CEP20: variants seen among roughly 807,000 people sequenced by gnomAD.
CEP20 encodes the protein centrosomal protein 20.
Under a neutral mutation model 20.0 loss-of-function variants are expected in CEP20, and 18 were observed. That is an observed-to-expected ratio of 0.90 (90% CI 0.62 to 1.34). The LOEUF (loss-of-function observed/expected upper bound fraction) is 1.34, where lower values mean the gene tolerates loss of function less well. CEP20 is among the 40% of genes most tolerant of loss of function. The pLI is 0.00. For missense variants in CEP20, 215 were observed against 201.6 expected (o/e 1.07, Z -0.40); for synonymous variants, 77 against 73.7 (o/e 1.04, Z -0.23).
intron 4 of CEP20, among the ~76,000 whole-genome samples, chr16:15,870,493 C>T (rs1191098857): frequency 1.3e-5 from 2 of 152,086 alleles, no homozygotes; most frequent in African/African-American, 2.4e-5. Flanking sequence ...ACAAGAGAAA[C>T]GTGTAGACAA....
intron 3 of CEP20, among the ~76,000 whole-genome samples, chr16:15,878,601 A>G (rs969703429): frequency 6.6e-6 from 1 of 151,572 alleles, no homozygotes; most frequent in Non-Finnish European, 1.5e-5. Context: ...GGTTAAAGCG[A>G]TTCTCATGCC....
In CEP20 at chr16:15,873,625, G is replaced by A; in HGVS notation, c.314C>T (p.Pro105Leu). Reference sequence around the variant, plus strand: ...ATGGGCTAAAATCCCATATAAAAGAGGTCTATAGCAGGAAGAAAACAAAAC... The same window carrying A: ...ATGGGCTAAAATCCCATATAAAAGAAGTCTATAGCAGGAAGAAAACAAAAC... ...AFEESKDNTI[P>L]LLYGILAHFL... The change falls in exon 4 of 5, where the codon CCT (proline) becomes CTT (leucine). Residue 105 changes from proline (P) to leucine (L), a missense_variant and splice_region_variant. Physicochemically the swap from Pro to Leu is moderately conservative, Grantham distance 98. Coordinates refer to ENST00000255759, the MANE Select transcript of CEP20 (RefSeq NM_144600.4). 3 of 1,608,598 alleles carry A rather than the reference G, an allele frequency of 1.9e-6. No homozygotes were observed. The highest frequency in any genetic ancestry group is 2.2e-5 in the South Asian group (2 of 89,954).
chr16:15,878,181 A>C (rs550548702), intron 3 of CEP20, among the ~76,000 whole-genome samples: 1 of 152,316 alleles, frequency 6.6e-6, no homozygotes, highest in Admixed American at 6.5e-5. Flanking sequence ...ATAGAAGTTA[A>C]GATGCTCCAA....
chr16:15,885,211 G>C (rs1039930135), intron 1 of CEP20: 1 of 151,744 alleles, frequency 6.6e-6, no homozygotes, highest in East Asian at 2.0e-4. Flanking sequence ...GGGAGGCTGA[G>C]GCACAAGAAT....
intron 3 of CEP20, among the ~76,000 whole-genome samples, chr16:15,876,852 C>CT (rs150019067): frequency 0.11 from 15,078 of 135,872 alleles, 922 homozygotes; most frequent in Middle Eastern, 0.16. Flanking sequence ...CTCAAACTTA[C>CT]TTTTTTTTTT....
rs1164574119 is a variant in CEP20 at position 15,879,871 on chromosome 16, C to G, written c.244G>C (p.Val82Leu). 6.3e-7 allele frequency: 1 copy of G among 1,583,784 alleles called. No homozygotes were observed. ...ATGAGAAACTGTCTGTCCAACGGAA[C>G]TACAGGTTGACCAGATTCTGGGAGA... Reference protein sequence around the residue: ...VLIAESGQPVVPLDRQFLIHE... With the variant: ...VLIAESGQPVLPLDRQFLIHE... Residue 82 changes from valine (V) to leucine (L), a missense_variant, in exon 3 of 5, where the codon GTT (valine) becomes CTT (leucine). Physicochemically the swap from Val to Leu is conservative, Grantham distance 32 (BLOSUM62 1). Transcript: ENST00000255759.
intron 3 of CEP20, among the ~76,000 whole-genome samples, chr16:15,874,552 A>C (rs375950257): frequency 1.3e-5 from 2 of 152,336 alleles, no homozygotes; most frequent in African/African-American, 4.8e-5. Flanking sequence ...CTCTGCTGAC[A>C]ATCAAGAGTG....
At chr16:15,874,281 G>C (rs951222114) in intron 3 of CEP20, among the ~76,000 whole-genome samples, 1 of 152,108 alleles carries the variant, frequency 6.6e-6, no homozygotes, top group Non-Finnish European at 1.5e-5. Context: ...CATTTATTTA[G>C]ATTAATATTT....
intron 2 of CEP20, chr16:15,883,177 C>T (rs1464562651): frequency 6.6e-6 from 1 of 152,068 alleles, no homozygotes; most frequent in Non-Finnish European, 1.5e-5. Context: ...GGCTGGGCAA[C>T]ATAGTGAGAG....
Position 15,867,184 on chromosome 16 carries a change from G to T in CEP20, c.*256C>A. Reference sequence around the variant, plus strand: ...GATCGTGCCACTGCACTCCAGTCTGGGTGACAGAGCGAGACTCCATCTCAA... The same window carrying T: ...GATCGTGCCACTGCACTCCAGTCTGTGTGACAGAGCGAGACTCCATCTCAA... On this transcript the variant is annotated 3_prime_UTR_variant, in exon 5 of 5. Coordinates refer to ENST00000255759, the MANE Select transcript of CEP20 (RefSeq NM_144600.4). The T allele has an allele frequency of 3.5e-6, 1 of 283,792 alleles. No homozygotes were observed. The highest frequency in any genetic ancestry group is 6.7e-6 in the Non-Finnish European group (1 of 149,724). The allele number at this position is 283,792 out of a possible 1,614,324, so 17.6% of individuals were successfully genotyped here.
chr16:15,867,832 G>C (rs1400824778), intron 4 of CEP20, among the ~76,000 whole-genome samples: 1 of 151,996 alleles, frequency 6.6e-6, no homozygotes, highest in Non-Finnish European at 1.5e-5. Flanking sequence ...AATTACCCGG[G>C]CGTGGTGGCA....
intron 3 of CEP20, among the ~76,000 whole-genome samples, chr16:15,876,051 T>C (rs1202599758): frequency 6.8e-6 from 1 of 147,148 alleles, no homozygotes; most frequent in Non-Finnish European, 1.5e-5. Context: ...TGAGCTGAGA[T>C]CATGTCATTG....
At position 15,880,093 on chromosome 16, in the gene CEP20, C is replaced by T. The variant is rs568966085; in HGVS notation, c.227-205G>A. ...AAATGCATGTCTTAATACAGTTTAA[C>T]ATAAATTCACTTTTTAAATTCCCCA... is the stretch of plus-strand genomic sequence containing the variant. On this transcript the variant is annotated intron_variant, in intron 2 of 4. Coordinates refer to ENST00000255759, the MANE Select transcript of CEP20 (RefSeq NM_144600.4). 2.0e-5 allele frequency among the ~76,000 whole-genome samples: 3 copies of T among 152,284 alleles called. No individual in the cohort carries two copies. In the East Asian group the frequency reaches 5.8e-4, roughly 29 times the overall value.
Position 15,867,408 on chromosome 16 carries a change from AT to A in CEP20, c.*31del. ...AATAAGTTATTTAATTAATAATACA[AT>A]TTTAAGACAAAAGATACCCCAAACA... On this transcript the variant is annotated 3_prime_UTR_variant, in exon 5 of 5. Transcript: ENST00000255759. The A allele has an allele frequency of 6.6e-7, 1 of 1,517,438 alleles. No individual in the cohort carries two copies. Among genetic ancestry groups the A allele is most frequent in the Non-Finnish European group, 9.0e-7 (1 of 1,116,184 alleles). The allele number at this position is 1,517,438 out of a possible 1,614,324, so 94.0% of individuals were successfully genotyped here. A position where few individuals can be genotyped will look rare whatever the true frequency, so the allele number is the denominator to read the frequency against.
chr16:15,867,593 C>T, intron 4 of CEP20, 77 bp from the exon 5 acceptor site: 1 of 912,954 alleles, frequency 1.1e-6, no homozygotes, highest in Admixed American at 2.3e-5. Flanking sequence ...CTACAAATAT[C>T]TTAGGATGTT....
At chr16:15,883,474 C>T (rs548610678) in intron 2 of CEP20, among the ~76,000 whole-genome samples, 15 of 152,058 alleles carry the variant, frequency 9.9e-5, no homozygotes, top group Non-Finnish European at 2.2e-4. Flanking sequence ...ATCACCCCCT[C>T]CCCGACCCCT....
chr16:15,881,392 G>A (rs1211111222), intron 2 of CEP20, among the ~76,000 whole-genome samples: 4 of 152,066 alleles, frequency 2.6e-5, no homozygotes, highest in Non-Finnish European at 5.9e-5. Context: ...ACAAACAAAG[G>A]AAAGCAGAGA....
chr16:15,884,432 C>A (rs1168100961), intron 1 of CEP20, among the ~76,000 whole-genome samples: 1 of 152,162 alleles, frequency 6.6e-6, no homozygotes, highest in Non-Finnish European at 1.5e-5. Context: ...TATATTTGAG[C>A]AAATTCAAGT....
intron 3 of CEP20, among the ~76,000 whole-genome samples, chr16:15,877,783 AAAAC>A (rs1268088875): frequency 6.6e-6 from 1 of 151,972 alleles, no homozygotes; most frequent in Non-Finnish European, 1.5e-5. Flanking sequence ...CTGCCTTGAA[AAAAC>A]AAACAAAAAA....
Sources: allele counts gnomAD v4.1 joint callset (sites outside exome capture counted in the v4.1 genomes callset), GRCh38; gene constraint gnomAD v4.1.1; transcripts MANE v1.5; gene names NCBI Gene and HGNC (gene_info 2026-07-23, HGNC 2026-07-21).